UHRF2: variants seen among roughly 807,000 people sequenced by gnomAD.
The protein encoded by UHRF2 is E3 ubiquitin-protein ligase UHRF2.
A neutral mutation model predicts 96.8 loss-of-function variants in UHRF2; 23 were observed. That is an observed-to-expected ratio of 0.24 (90% CI 0.17 to 0.34). The LOEUF (loss-of-function observed/expected upper bound fraction) is 0.34, where lower values mean the gene tolerates loss of function less well. Among genes scored for constraint, UHRF2 ranks in the 10% least tolerant of loss-of-function variants. The probability of loss-of-function intolerance (pLI) is 1.00; values close to 1 mark genes in which losing one functional copy is unlikely to be tolerated. For missense variants in UHRF2, 685 were observed against 981.5 expected (o/e 0.70, Z 4.04); for synonymous variants, 385 against 332.6 (o/e 1.16, Z -1.72).
chr9:6,502,590 A>G (rs145773617), intron 14 of UHRF2, among the ~76,000 whole-genome samples: 325 of 152,310 alleles, frequency 2.1e-3, no homozygotes, highest in African/African-American at 6.5e-3. Flanking sequence ...GCTCTGTTTC[A>G]TCAGTTATTA....
At chr9:6,433,604 G>T (rs1396343960) in intron 2 of UHRF2, among the ~76,000 whole-genome samples, 1 of 152,128 alleles carries the variant, frequency 6.6e-6, no homozygotes, top group South Asian at 2.1e-4. Flanking sequence ...TGGATGACTT[G>T]CAAGAATGAC....
At chr9:6,425,322 C>T (rs925078576) in intron 2 of UHRF2, among the ~76,000 whole-genome samples, 4 of 152,170 alleles carry the variant, frequency 2.6e-5, no homozygotes, top group African/African-American at 2.4e-5. Context: ...GACATACCCC[C>T]ATTATTGTGG....
chr9:6,428,893 G>A (rs1041168305), intron 2 of UHRF2, among the ~76,000 whole-genome samples: 2 of 152,082 alleles, frequency 1.3e-5, no homozygotes, highest in Non-Finnish European at 2.9e-5. Flanking sequence ...GCCGAGTGTG[G>A]TGGCTCATGC....
At chr9:6,468,113 A>G (rs1286394615) in intron 4 of UHRF2, among the ~76,000 whole-genome samples, 2 of 152,158 alleles carry the variant, frequency 1.3e-5, no homozygotes, top group East Asian at 3.9e-4. Flanking sequence ...TTATTAGTAC[A>G]TAAATTGTTT....
intron 2 of UHRF2, among the ~76,000 whole-genome samples, chr9:6,423,783 A>G (rs979990128): frequency 1.3e-5 from 2 of 151,994 alleles, no homozygotes; most frequent in African/African-American, 4.8e-5. Context: ...GTCTCCACTA[A>G]AAATACAAAA....
chr9:6,434,731 G>T (rs913594728), intron 3 of UHRF2, among the ~76,000 whole-genome samples: 4 of 151,884 alleles, frequency 2.6e-5, no homozygotes, highest in African/African-American at 7.3e-5. Context: ...GAGCCACTGC[G>T]CCTGGCCTCT....
chr9:6,458,343 C>G (rs186287648), intron 3 of UHRF2, among the ~76,000 whole-genome samples: 1 of 152,002 alleles, frequency 6.6e-6, no homozygotes, highest in East Asian at 1.9e-4. Flanking sequence ...GTGATATCCC[C>G]TTTATCATTT....
chr9:6,485,941 G>A (rs1282098242), intron 8 of UHRF2, among the ~76,000 whole-genome samples: 1 of 151,938 alleles, frequency 6.6e-6, no homozygotes, highest in East Asian at 1.9e-4. Context: ...ATGAAGATAT[G>A]AGGGGAAAAG....
At chr9:6,505,122 C>T (rs1230263859) in intron 15 of UHRF2, among the ~76,000 whole-genome samples, 1 of 152,030 alleles carries the variant, frequency 6.6e-6, no homozygotes, top group African/African-American at 2.4e-5. Flanking sequence ...TTAGTCAAGC[C>T]AAGGTTTGAA....
intron 4 of UHRF2, among the ~76,000 whole-genome samples, chr9:6,470,492 A>C (rs1823177099): frequency 6.6e-6 from 1 of 152,250 alleles, no homozygotes; most frequent in Non-Finnish European, 1.5e-5. Flanking sequence ...CACTAAGAGA[A>C]ATAATAAAGG....
chr9:6,505,193 A>G (rs954611056), intron 15 of UHRF2, among the ~76,000 whole-genome samples: 1 of 152,114 alleles, frequency 6.6e-6, no homozygotes, highest in Non-Finnish European at 1.5e-5. Flanking sequence ...TCTTTTATAA[A>G]ATGGAAACAA....
At chr9:6,449,349 G>A (rs1821712536) in intron 3 of UHRF2, 1 of 152,168 alleles carries the variant, frequency 6.6e-6, no homozygotes, top group Non-Finnish European at 1.5e-5. Context: ...CCATTAGACT[G>A]GCCAAGATGT....
chr9:6,502,984 A>G (rs1312882125), intron 14 of UHRF2, among the ~76,000 whole-genome samples: 1 of 152,078 alleles, frequency 6.6e-6, no homozygotes, highest in Non-Finnish European at 1.5e-5. Flanking sequence ...TGAAACTTGT[A>G]AGGTTTTTTT....
At chr9:6,435,963 G>A (rs1189977740) in intron 3 of UHRF2, among the ~76,000 whole-genome samples, 1 of 152,058 alleles carries the variant, frequency 6.6e-6, no homozygotes, top group Admixed American at 6.6e-5. Flanking sequence ...TTGTCTTGAG[G>A]GTTTAGATTC....
intron 15 of UHRF2, 133 bp from the exon 16 acceptor site, chr9:6,505,900 C>T: frequency 1.1e-6 from 1 of 911,038 alleles, no homozygotes; most frequent in Non-Finnish European, 1.6e-6. Context: ...AGTGCAGATT[C>T]AAGCCTTTAT....
At chr9:6,452,382 G>T (rs1445040489) in intron 3 of UHRF2, among the ~76,000 whole-genome samples, 1 of 152,144 alleles carries the variant, frequency 6.6e-6, no homozygotes, top group African/African-American at 2.4e-5. Flanking sequence ...TCTAAGAGGG[G>T]AAAATACCAC....
intron 8 of UHRF2, among the ~76,000 whole-genome samples, chr9:6,484,954 C>A (rs1311087967): frequency 6.6e-6 from 1 of 151,776 alleles, no homozygotes; most frequent in Non-Finnish European, 1.5e-5. Context: ...TCACCATGCC[C>A]AGCTAATTTT....
intron 12 of UHRF2, 52 bp downstream of exon 12, chr9:6,498,210 C>T: frequency 6.4e-7 from 1 of 1,574,538 alleles, no homozygotes; most frequent in East Asian, 2.3e-5. Flanking sequence ...ATATACACCT[C>T]TTCTATCTAC....
rs376845496 is a variant in UHRF2, at chr9:6,444,803, A to G, written c.644+10630A>G. On this transcript the variant is annotated intron_variant, in intron 3 of 15. Transcript: ENST00000276893. ...TTTTTAGTAGAGACAGGGTTTCACC[A>G]TGTTGGCCAGGCTGGTCTTGAACCC... Among the ~76,000 whole-genome samples the G allele has an allele frequency of 2.9e-4, 44 of 152,184 alleles. 1 individual carries two copies. In the South Asian group the frequency reaches 8.9e-3, roughly 31 times the overall value.
Sources: gnomAD v4.1 joint callset for allele counts (sites outside exome capture counted in the v4.1 genomes callset) on GRCh38, gnomAD v4.1.1 for gene constraint, MANE v1.5 for transcripts, NCBI Gene and HGNC (gene_info 2026-07-23, HGNC 2026-07-21) for gene names.